Variants in SLC35F1 observed in about 807,000 individuals in gnomAD.
SLC35F1 encodes the protein solute carrier family 35 member F1.
SLC35F1 carries 14 observed loss-of-function variants against 48.7 expected under a neutral mutation model. The ratio of observed to expected loss-of-function variants is 0.29; its 90% CI spans 0.19 to 0.45. The LOEUF is 0.45. SLC35F1 is among the 20% of genes least tolerant of loss of function. The pLI is 1.00. For missense variants in SLC35F1, 404 were observed against 500.0 expected (o/e 0.81, Z 1.83); for synonymous variants, 190 against 202.2 (o/e 0.94, Z 0.51).
chr6:117,944,207 G>A (rs1174779383), intron 1 of SLC35F1, among the ~76,000 whole-genome samples: 1 of 152,080 alleles, frequency 6.6e-6, no homozygotes, highest in Non-Finnish European at 1.5e-5. Flanking sequence ...TTCTATAATT[G>A]AACTTAGTCC....
intron 1 of SLC35F1, among the ~76,000 whole-genome samples, chr6:117,947,487 C>T (rs563274945): frequency 2.0e-5 from 3 of 152,206 alleles, no homozygotes; most frequent in East Asian, 1.9e-4. Flanking sequence ...AGCTCTCTGG[C>T]TGCTGTAAAG....
chr6:118,103,577 A>G (rs974513437), intron 1 of SLC35F1, among the ~76,000 whole-genome samples: 1 of 152,166 alleles, frequency 6.6e-6, no homozygotes, highest in Non-Finnish European at 1.5e-5. Context: ...TGCCGAACAC[A>G]CTGCCACAGA....
intron 2 of SLC35F1, among the ~76,000 whole-genome samples, chr6:118,170,977 GT>G (rs1448707937): frequency 1.3e-5 from 2 of 152,080 alleles, no homozygotes; most frequent in Non-Finnish European, 2.9e-5. Flanking sequence ...TAATTATAAT[GT>G]GTTTTTGTGT....
At chr6:117,991,509 G>T (rs531413936) in intron 1 of SLC35F1, among the ~76,000 whole-genome samples, 19 of 152,234 alleles carry the variant, frequency 1.2e-4, no homozygotes, top group African/African-American at 4.3e-4. Flanking sequence ...GCCATACCAT[G>T]AAAACATTCT....
intron 3 of SLC35F1, among the ~76,000 whole-genome samples, chr6:118,258,735 A>AAG (rs918841979): frequency 3.3e-5 from 5 of 152,032 alleles, no homozygotes; most frequent in Non-Finnish European, 7.4e-5. Context: ...AATGGATCTT[A>AAG]ATATATATAA....
chr6:117,941,793 T>C (rs1776236641), intron 1 of SLC35F1, among the ~76,000 whole-genome samples: 1 of 152,216 alleles, frequency 6.6e-6, no homozygotes, highest in African/African-American at 2.4e-5. Context: ...ACTTGAAGCT[T>C]TTCCGAAAGA....
At chr6:118,164,717 T>C (rs1213047732) in intron 2 of SLC35F1, among the ~76,000 whole-genome samples, 1 of 152,226 alleles carries the variant, frequency 6.6e-6, no homozygotes, top group African/African-American at 2.4e-5. Flanking sequence ...ATTTTATACA[T>C]GTAACCCTTA....
At chr6:118,202,100 A>C (rs930612678) in intron 2 of SLC35F1, among the ~76,000 whole-genome samples, 1 of 152,174 alleles carries the variant, frequency 6.6e-6, no homozygotes, top group Admixed American at 6.5e-5. Flanking sequence ...ATAGGTTTTC[A>C]TTGGTATGTT....
intron 1 of SLC35F1, among the ~76,000 whole-genome samples, chr6:118,109,070 G>A (rs529369166): frequency 6.6e-6 from 1 of 152,136 alleles, no homozygotes; most frequent in Non-Finnish European, 1.5e-5. Context: ...AACTTCACAT[G>A]TAGAAACAAC....
intron 1 of SLC35F1, among the ~76,000 whole-genome samples, chr6:118,134,318 G>A (rs1326627735): frequency 6.6e-6 from 1 of 152,234 alleles, no homozygotes; most frequent in East Asian, 1.9e-4. Flanking sequence ...TTATCTCATT[G>A]CTTACTATGA....
intron 1 of SLC35F1, among the ~76,000 whole-genome samples, chr6:117,908,192 C>A (rs1001089753): frequency 6.6e-6 from 1 of 152,198 alleles, no homozygotes; most frequent in African/African-American, 2.4e-5. Context: ...CACTCACACC[C>A]TCCATACGCG....
At chr6:117,965,889 C>A (rs1017837055) in intron 1 of SLC35F1, among the ~76,000 whole-genome samples, 1 of 151,772 alleles carries the variant, frequency 6.6e-6, no homozygotes, top group Non-Finnish European at 1.5e-5. Context: ...TCTAACTGAT[C>A]GGGTAGGGGA....
intron 2 of SLC35F1, among the ~76,000 whole-genome samples, chr6:118,189,577 T>G (rs1194702581): frequency 6.6e-6 from 1 of 152,254 alleles, no homozygotes; most frequent in East Asian, 1.9e-4. Flanking sequence ...TGTCTTTTGA[T>G]TTTGTTGATT....
At chr6:118,251,049 A>G (rs1009152338) in intron 3 of SLC35F1, among the ~76,000 whole-genome samples, 38 of 152,178 alleles carry the variant, frequency 2.5e-4, no homozygotes, top group African/African-American at 9.2e-4. Flanking sequence ...GCACTTTGGG[A>G]GGCCGAGGCG....
intron 1 of SLC35F1, among the ~76,000 whole-genome samples, chr6:117,992,015 G>A (rs982033751): frequency 2.0e-5 from 3 of 151,636 alleles, no homozygotes; most frequent in African/African-American, 2.4e-5. Flanking sequence ...TAATGTTATG[G>A]CATATTTGAT....
chr6:118,084,768 G>C (rs537170485), intron 1 of SLC35F1, among the ~76,000 whole-genome samples: 2 of 152,096 alleles, frequency 1.3e-5, no homozygotes, highest in Admixed American at 1.3e-4. Flanking sequence ...GGTGGACAGG[G>C]TGCTGGGGAA....
chr6:118,197,750 A>T (rs1463075988), intron 2 of SLC35F1, among the ~76,000 whole-genome samples: 3 of 151,392 alleles, frequency 2.0e-5, no homozygotes, highest in African/African-American at 7.3e-5. Flanking sequence ...TTAAGACTTT[A>T]TGTTGTCTGC....
intron 2 of SLC35F1, among the ~76,000 whole-genome samples, chr6:118,212,872 T>C (rs1436440535): frequency 6.6e-6 from 1 of 152,162 alleles, no homozygotes; most frequent in East Asian, 1.9e-4. Flanking sequence ...AGTTTTCTTA[T>C]AGGAGTAGAT....
At chr6:118,090,058 A>G (rs1296858598) in intron 1 of SLC35F1, among the ~76,000 whole-genome samples, 1 of 152,206 alleles carries the variant, frequency 6.6e-6, no homozygotes, top group African/African-American at 2.4e-5. Flanking sequence ...ACTGAGTAAG[A>G]ATGGGTGTTT....
Sources: gnomAD v4.1 joint callset for allele counts (sites outside exome capture counted in the v4.1 genomes callset) on GRCh38, gnomAD v4.1.1 for gene constraint, MANE v1.5 for transcripts, NCBI Gene and HGNC (gene_info 2026-07-23, HGNC 2026-07-21) for gene names.